Variants in SLC22A3 observed in about 807,000 individuals in gnomAD.
SLC22A3 encodes the protein EMT organic cation transporter 3.
Under a neutral mutation model 59.1 loss-of-function variants are expected in SLC22A3, and 51 were observed. The observed-to-expected ratio is 0.86, with a 90% CI of 0.69 to 1.09. The LOEUF is 1.09. Ranked by LOEUF, SLC22A3 falls within the 50% of genes least tolerant of loss-of-function variation. SLC22A3 has a pLI of 0.00. For synonymous variants in SLC22A3, 325 were observed against 292.0 expected (o/e 1.11, Z -1.15); for missense variants, 711 against 726.3 (o/e 0.98, Z 0.24).
intron 5 of SLC22A3, among the ~76,000 whole-genome samples, chr6:160,422,590 T>G (rs1320140896): frequency 1.3e-5 from 2 of 152,238 alleles, no homozygotes; most frequent in African/African-American, 4.8e-5. Flanking sequence ...TGCTCTGTTT[T>G]CTTTTTTCTC....
At chr6:160,419,529 T>A (rs991561847) in intron 5 of SLC22A3, among the ~76,000 whole-genome samples, 2 of 152,170 alleles carry the variant, frequency 1.3e-5, no homozygotes, top group African/African-American at 4.8e-5. Context: ...ATAACATAGT[T>A]TAGGCACATG....
intron 1 of SLC22A3, among the ~76,000 whole-genome samples, chr6:160,370,881 C>A (rs1260069155): frequency 6.6e-6 from 1 of 152,120 alleles, no homozygotes; most frequent in East Asian, 1.9e-4. Context: ...CCTCTCATTT[C>A]TTTGCTGTAA....
At chr6:160,374,341 T>G (rs1785511929) in intron 1 of SLC22A3, among the ~76,000 whole-genome samples, 1 of 152,144 alleles carries the variant, frequency 6.6e-6, no homozygotes, top group African/African-American at 2.4e-5. Context: ...CTGCACCCAC[T>G]GTCTAACTAG....
chr6:160,428,058 T>C (rs1788027355), intron 5 of SLC22A3, among the ~76,000 whole-genome samples: 2 of 152,232 alleles, frequency 1.3e-5, no homozygotes, highest in South Asian at 2.1e-4. Flanking sequence ...TCTCCTCTTA[T>C]GTCAACAGGC....
At chr6:160,426,315 TG>T in intron 5 of SLC22A3, 1 of 985,346 alleles carries the variant, frequency 1.0e-6, no homozygotes. Flanking sequence ...TTTTGGTTCT[TG>T]TGGTTCTTGT....
rs556214871 is a variant in SLC22A3 at position 160,428,364 on chromosome 6, A to G, written c.976-8416A>G. Among the ~76,000 whole-genome samples, 6 of 152,324 alleles carry G rather than the reference A, an allele frequency of 3.9e-5. No individual in the cohort carries two copies. The South Asian group carries it at 1.2e-3, about 32-fold the overall frequency. On this transcript the variant is annotated intron_variant, in intron 5 of 10. Coordinates refer to ENST00000275300, the MANE Select transcript of SLC22A3 (RefSeq NM_021977.4). ...TCTTCTCCATGCAGTGTCTCAAAGAAAGAGCCACCTGGGCTGCAGGTGACC... is the reference window on the plus strand; with the variant it reads ...TCTTCTCCATGCAGTGTCTCAAAGAGAGAGCCACCTGGGCTGCAGGTGACC...
At chr6:160,423,715 A>G (rs1269825364) in intron 5 of SLC22A3, among the ~76,000 whole-genome samples, 3 of 152,178 alleles carry the variant, frequency 2.0e-5, no homozygotes, top group Non-Finnish European at 4.4e-5. Context: ...TAGATTCTGC[A>G]TATTAGCCCA....
chr6:160,392,469 C>T (rs1786301402), intron 1 of SLC22A3, among the ~76,000 whole-genome samples: 1 of 152,234 alleles, frequency 6.6e-6, no homozygotes, highest in South Asian at 2.1e-4. Flanking sequence ...AACTATATAA[C>T]AAGTACCTCC....
intron 5 of SLC22A3, among the ~76,000 whole-genome samples, chr6:160,416,283 T>C (rs1787486486): frequency 6.6e-6 from 1 of 152,050 alleles, no homozygotes; most frequent in South Asian, 2.1e-4. Flanking sequence ...CAAAAACCAA[T>C]GCAAAACAGT....
intron 5 of SLC22A3, among the ~76,000 whole-genome samples, chr6:160,422,538 G>A (rs1787781274): frequency 6.6e-6 from 1 of 152,222 alleles, no homozygotes; most frequent in African/African-American, 2.4e-5. Context: ...ATGCAACACA[G>A]AGATGGCTAG....
chr6:160,348,776 C>T lies in SLC22A3; in HGVS notation c.357C>T (p.Asn119=). ...SCADPLAAFP[N]RSAPLVPCRG... is the part of the protein sequence containing the mutation. ...CGGACCCACTCGCCGCCTTCCCCAA[C>T]CGCTCGGCTCCCCTTGTGCCGTGCC... is the stretch of plus-strand genomic sequence containing the variant. Residue 119 remains asparagine (N), a synonymous_variant, in exon 1 of 11, where the codon AAC becomes AAT. Transcript: ENST00000275300. 2 of 1,553,130 alleles carry T rather than the reference C, an allele frequency of 1.3e-6. No homozygotes were observed. The highest frequency in any genetic ancestry group is 8.6e-7 in the Non-Finnish European group (1 of 1,156,100).
At chr6:160,421,186 A>G (rs1787719679) in intron 5 of SLC22A3, among the ~76,000 whole-genome samples, 1 of 152,188 alleles carries the variant, frequency 6.6e-6, no homozygotes, top group African/African-American at 2.4e-5. Flanking sequence ...TTCCCAGACA[A>G]GTACCCAGGC....
At chr6:160,354,353 C>T (rs892426058) in intron 1 of SLC22A3, among the ~76,000 whole-genome samples, 6 of 152,210 alleles carry the variant, frequency 3.9e-5, no homozygotes, top group Admixed American at 2.0e-4. Context: ...TTGACATATG[C>T]TTGCAAAGTG....
chr6:160,408,893 C>G lies in SLC22A3; in HGVS notation c.829C>G (p.Pro277Ala). Residue 277 changes from proline to alanine, a missense_variant, in exon 4 of 11, where the codon CCC (proline) becomes GCC (alanine). By Grantham distance (27) the Pro-to-Ala change is conservative. Transcript: ENST00000275300. ...AGGAATCCAGTTAGCCATCACGCTG[C>G]CCAGCTTTCTCTTCCTCCTTTATTA... ...WQGIQLAITL[P>A]SFLFLLYYWV... The G allele has an allele frequency of 1.2e-6, 2 of 1,613,758 alleles. No homozygotes were observed. Among genetic ancestry groups the G allele is most frequent in the Middle Eastern group, 1.7e-4 (1 of 6,060 alleles).
At chr6:160,351,010 A>G (rs958003557) in intron 1 of SLC22A3, among the ~76,000 whole-genome samples, 1 of 152,244 alleles carries the variant, frequency 6.6e-6, no homozygotes, top group African/African-American at 2.4e-5. Flanking sequence ...TGTGCCCAGA[A>G]CAATGATTAA....
chr6:160,381,328 A>G (rs1386820039), intron 1 of SLC22A3, among the ~76,000 whole-genome samples: 1 of 152,322 alleles, frequency 6.6e-6, no homozygotes, highest in Non-Finnish European at 1.5e-5. Flanking sequence ...TTTTGGAAGC[A>G]TGCATTCTGA....
chr6:160,442,888 A>G lies in SLC22A3; in HGVS notation c.1397+19A>G. ...CATTACGGTAATTCTAACAAACGTTATAGTTTCTCCTAAGTAACTCTGTAG... is the reference window on the plus strand; with the variant it reads ...CATTACGGTAATTCTAACAAACGTTGTAGTTTCTCCTAAGTAACTCTGTAG... On this transcript the variant is annotated intron_variant, in intron 8 of 10. Coordinates refer to ENST00000275300, the MANE Select transcript of SLC22A3 (RefSeq NM_021977.4). 1 of 1,569,372 alleles carries G rather than the reference A, an allele frequency of 6.4e-7. No individual in the cohort carries two copies. Among genetic ancestry groups the G allele is most frequent in the Non-Finnish European group, 8.8e-7 (1 of 1,139,408 alleles).
chr6:160,364,126 C>T (rs78700854), intron 1 of SLC22A3, among the ~76,000 whole-genome samples: 5,185 of 152,202 alleles, frequency 0.034, 135 homozygotes, highest in Non-Finnish European at 0.052. Context: ...ATAGCTACTA[C>T]AGGGATGAGG....
intron 10 of SLC22A3, among the ~76,000 whole-genome samples, chr6:160,450,263 G>T (rs1038612340): frequency 4.6e-5 from 7 of 152,088 alleles, no homozygotes; most frequent in African/African-American, 1.4e-4. Flanking sequence ...CTTTCCCAGG[G>T]TCTTAATTAT....
Sources: gnomAD v4.1 joint callset for allele counts (sites outside exome capture counted in the v4.1 genomes callset) on GRCh38, gnomAD v4.1.1 for gene constraint, MANE v1.5 for transcripts, NCBI Gene and HGNC (gene_info 2026-07-23, HGNC 2026-07-21) for gene names.